The following PDE8A variants were observed in gnomAD, a reference collection of about 807,000 sequenced individuals.
The protein encoded by PDE8A is phosphodiesterase 8A, also known as high affinity cAMP-specific and IBMX-insensitive 3',5'-cyclic phosphodiesterase 8A.
In PDE8A, 59 loss-of-function variants were observed where a neutral mutation model predicts 105.0. The observed-to-expected ratio is 0.56, with a 90% confidence interval of 0.46 to 0.70. The LOEUF is 0.70. Among genes scored for constraint, PDE8A ranks in the 30% least tolerant of loss-of-function variants. PDE8A has a pLI of 0.00. For synonymous variants in PDE8A, 355 were observed against 371.9 expected (o/e 0.95, Z 0.52); for missense variants, 1,014 against 1,045.9 (o/e 0.97, Z 0.42).
chr15:85,094,559 A>G (rs781152089), intron 8 of PDE8A, among the ~76,000 whole-genome samples: 6 of 152,276 alleles, frequency 3.9e-5, no homozygotes, highest in Admixed American at 1.3e-4. Flanking sequence ...TTGTCTAGCA[A>G]TGGTTTTCTC....
chr15:85,119,129 A>G (rs2082140697), intron 17 of PDE8A, among the ~76,000 whole-genome samples: 1 of 151,982 alleles, frequency 6.6e-6, no homozygotes, highest in Middle Eastern at 3.2e-3. Flanking sequence ...CTTTTAAACT[A>G]CTCTATAGAC....
intron 1 of PDE8A, among the ~76,000 whole-genome samples, chr15:85,023,094 T>TCC (rs2080455696): frequency 1.3e-5 from 2 of 152,190 alleles, no homozygotes; most frequent in Non-Finnish European, 2.9e-5. Flanking sequence ...CAGTACTGTT[T>TCC]TTCAGGTTAT....
rs141952476 is a variant in PDE8A at position 85,055,013 on chromosome 15, C to A, written c.187-9357C>A. Among the ~76,000 whole-genome samples the A allele has an allele frequency of 1.4e-3, 209 of 152,194 alleles. 1 individual carries two copies. The highest frequency in any genetic ancestry group is 4.8e-3 in the African/African-American group (199 of 41,524). ...TCCCAGAGATTCTGGTATGTTGTGT[C>A]TTTGTTCTCGTTGGTTTCAAAGAAC... On this transcript the variant is annotated intron_variant, in intron 1 of 21. Transcript: ENST00000394553.
At chr15:85,060,174 T>C (rs1377721454) in intron 1 of PDE8A, among the ~76,000 whole-genome samples, 2 of 152,312 alleles carry the variant, frequency 1.3e-5, no homozygotes, top group Non-Finnish European at 1.5e-5. Flanking sequence ...CCTTTCTCAT[T>C]TCCCTTTGTG....
chr15:85,123,339 C>G, intron 19 of PDE8A, 146 bp downstream of exon 19: 1 of 38,726 alleles, frequency 2.6e-5, no homozygotes, highest in Non-Finnish European at 4.3e-5. Flanking sequence ...TAATGGGATA[C>G]ACACACACAC....
intron 6 of PDE8A, among the ~76,000 whole-genome samples, chr15:85,087,796 T>G (rs1449119367): frequency 6.6e-6 from 1 of 152,200 alleles, no homozygotes; most frequent in African/African-American, 2.4e-5. Flanking sequence ...ATTATAAAAC[T>G]GTAGAGTATG....
chr15:85,053,637 G>A (rs201444098), intron 1 of PDE8A, among the ~76,000 whole-genome samples: 3 of 151,968 alleles, frequency 2.0e-5, no homozygotes, highest in East Asian at 3.9e-4. Flanking sequence ...TTGGTGTATA[G>A]GAATGCTTGT....
chr15:85,118,264 A>G lies in PDE8A; in HGVS notation c.1734+425A>G, dbSNP rs16974894. 5.3e-5 allele frequency among the ~76,000 whole-genome samples: 8 copies of G among 152,132 alleles called. No individual in the cohort carries two copies. In the East Asian group the frequency reaches 1.2e-3, roughly 22 times the overall value. On this transcript the variant is annotated intron_variant, in intron 17 of 21. Coordinates refer to ENST00000394553, the MANE Select transcript of PDE8A (RefSeq NM_002605.3). ...CCCAGCACTGCTCCCACCCAGGGTTATCTACCTAATCCAGGGTTCCATTAT... is the reference window on the plus strand; with the variant it reads ...CCCAGCACTGCTCCCACCCAGGGTTGTCTACCTAATCCAGGGTTCCATTAT...
intron 1 of PDE8A, among the ~76,000 whole-genome samples, chr15:85,015,155 G>C (rs1164484337): frequency 6.6e-6 from 1 of 151,986 alleles, no homozygotes; most frequent in Non-Finnish European, 1.5e-5. Flanking sequence ...GGCTTGATCT[G>C]TCTATACCTT....
chr15:85,137,984 C>G lies in PDE8A; in HGVS notation c.*81C>G. ...TGAGGGCAGCCAGAGCTCCTTGGTC[C>G]TTTCAGTACTAGGCAGAACAGCCCC... On this transcript the variant is annotated 3_prime_UTR_variant, in exon 22 of 22. Coordinates refer to ENST00000394553, the MANE Select transcript of PDE8A (RefSeq NM_002605.3). 1 of 843,350 alleles carries G rather than the reference C, an allele frequency of 1.2e-6. No homozygotes were observed. The highest frequency in any genetic ancestry group is 2.0e-6 in the Non-Finnish European group (1 of 500,652). 52.2% of individuals were successfully genotyped at this position (843,350 alleles called of 1,614,324 possible). A position where few individuals can be genotyped will look rare whatever the true frequency, so the allele number is the denominator to read the frequency against.
At chr15:84,982,778 G>A (rs1026897886) in intron 1 of PDE8A, among the ~76,000 whole-genome samples, 2 of 152,216 alleles carry the variant, frequency 1.3e-5, no homozygotes, top group African/African-American at 2.4e-5. Context: ...AGGGAAGGGC[G>A]ACTGGCCTCA....
rs1053058097 is a variant in PDE8A at position 85,090,969 on chromosome 15, C to T, written c.715-75C>T. 2.2e-5 allele frequency: 30 copies of T among 1,365,812 alleles called. No individual in the cohort carries two copies. In the African/African-American group the frequency reaches 3.8e-4, roughly 17 times the overall value. 84.6% of individuals were successfully genotyped at this position (1,365,812 alleles called of 1,614,324 possible). Reference sequence around the variant, plus strand: ...GGGGAAAAACCTGAAGGGCTTAGGTCGAAGACCTTTGATTGTCCTCTTTTT... The same window carrying T: ...GGGGAAAAACCTGAAGGGCTTAGGTTGAAGACCTTTGATTGTCCTCTTTTT... On this transcript the variant is annotated intron_variant, in intron 7 of 21. Coordinates refer to ENST00000394553, the MANE Select transcript of PDE8A (RefSeq NM_002605.3).
chr15:85,013,771 G>A (rs868073864), intron 1 of PDE8A, among the ~76,000 whole-genome samples: 2 of 152,250 alleles, frequency 1.3e-5, no homozygotes, highest in Non-Finnish European at 2.9e-5. Flanking sequence ...TGAGGTTGCA[G>A]TCAGGTGTTG....
At chr15:85,118,884 A>T (rs2082137213) in intron 17 of PDE8A, among the ~76,000 whole-genome samples, 1 of 152,230 alleles carries the variant, frequency 6.6e-6, no homozygotes, top group African/African-American at 2.4e-5. Context: ...GGAGTGAACA[A>T]GTGTTCATTC....
chr15:84,993,037 T>C (rs1055576264), intron 1 of PDE8A, among the ~76,000 whole-genome samples: 21 of 152,282 alleles, frequency 1.4e-4, no homozygotes, highest in African/African-American at 5.1e-4. Flanking sequence ...TTAGGGAGTT[T>C]TTAAAAAACC....
intron 1 of PDE8A, among the ~76,000 whole-genome samples, chr15:85,028,019 C>T (rs2080547018): frequency 6.6e-6 from 1 of 152,196 alleles, no homozygotes; most frequent in African/African-American, 2.4e-5. Flanking sequence ...ACGTTGCTGG[C>T]AACATTTAAC....
chr15:85,132,747 G>A (rs541782608), intron 20 of PDE8A, among the ~76,000 whole-genome samples: 42 of 152,168 alleles, frequency 2.8e-4, no homozygotes, highest in South Asian at 2.1e-3. Flanking sequence ...GTGAACCACC[G>A]CACCTGGCTT....
intron 1 of PDE8A, among the ~76,000 whole-genome samples, chr15:85,021,972 GT>G (rs2080434170): frequency 6.6e-6 from 1 of 152,154 alleles, no homozygotes; most frequent in Non-Finnish European, 1.5e-5. Context: ...TGCCTGCCAG[GT>G]TTCCTTAGTA....
intron 1 of PDE8A, among the ~76,000 whole-genome samples, chr15:85,016,796 G>A (rs2080331829): frequency 6.6e-6 from 1 of 152,128 alleles, no homozygotes; most frequent in Non-Finnish European, 1.5e-5. Flanking sequence ...AACATGGTAT[G>A]TCTTTTTACT....
Sources: gnomAD v4.1 joint callset for allele counts (sites outside exome capture counted in the v4.1 genomes callset) on GRCh38, gnomAD v4.1.1 for gene constraint, MANE v1.5 for transcripts, NCBI Gene and HGNC (gene_info 2026-07-23, HGNC 2026-07-21) for gene names.